Variants in SLC35F3 observed in about 807,000 individuals in gnomAD.
SLC35F3 encodes solute carrier family 35 member F3, also known as putative thiamine transporter SLC35F3.
Under a neutral mutation model 49.9 loss-of-function variants are expected in SLC35F3, and 25 were observed. The ratio of observed to expected loss-of-function variants is 0.50; its 90% CI spans 0.37 to 0.70. SLC35F3 has a LOEUF of 0.70. Ranked by LOEUF, SLC35F3 falls within the 30% of genes least tolerant of loss-of-function variation. The pLI is 0.00. For missense variants in SLC35F3, 525 were observed against 639.8 expected (o/e 0.82, Z 1.94); for synonymous variants, 275 against 265.4 (o/e 1.04, Z -0.35).
chr1:234,045,169 C>G (rs998822559), intron 2 of SLC35F3, among the ~76,000 whole-genome samples: 1 of 152,100 alleles, frequency 6.6e-6, no homozygotes, highest in Non-Finnish European at 1.5e-5. Context: ...AGAACTCATT[C>G]TCTCCCTCTC....
chr1:234,106,271 G>T (rs1056756551), intron 2 of SLC35F3, among the ~76,000 whole-genome samples: 1 of 152,218 alleles, frequency 6.6e-6, no homozygotes, highest in Non-Finnish European at 1.5e-5. Context: ...GTAAGTGTCT[G>T]CTGGGGACTT....
At chr1:234,252,147 G>T (rs1378488572) in intron 3 of SLC35F3, among the ~76,000 whole-genome samples, 3 of 151,860 alleles carry the variant, frequency 2.0e-5, no homozygotes, top group African/African-American at 7.3e-5. Flanking sequence ...TCAGCTCACT[G>T]AAACCTCTGC....
At chr1:234,250,980 C>A (rs1047583481) in intron 3 of SLC35F3, among the ~76,000 whole-genome samples, 1 of 152,136 alleles carries the variant, frequency 6.6e-6, no homozygotes, top group Admixed American at 6.5e-5. Context: ...CAGATTTCAA[C>A]ATGAGATTTG....
At chr1:234,232,519 C>CAAAAAAAAAAAAAA (rs536692686) in intron 3 of SLC35F3, among the ~76,000 whole-genome samples, 18 of 72,268 alleles carry the variant, frequency 2.5e-4, no homozygotes, top group East Asian at 2.0e-3. Flanking sequence ...CAGGCCTAGT[C>CAAAAAAAAAAAAAA]AAAAAAAAAA....
intron 2 of SLC35F3, among the ~76,000 whole-genome samples, chr1:234,080,655 TAC>T (rs1261804595): frequency 6.6e-6 from 1 of 152,184 alleles, no homozygotes; most frequent in Non-Finnish European, 1.5e-5. Flanking sequence ...AAAGAAGCCA[TAC>T]ACACAAAACT....
intron 2 of SLC35F3, among the ~76,000 whole-genome samples, chr1:234,128,400 G>A (rs934212884): frequency 6.6e-6 from 1 of 152,200 alleles, no homozygotes; most frequent in Admixed American, 6.5e-5. Context: ...CTGACCAGGG[G>A]TGAAGCAGGG....
At chr1:234,065,219 T>A (rs1379078702) in intron 2 of SLC35F3, among the ~76,000 whole-genome samples, 1 of 152,154 alleles carries the variant, frequency 6.6e-6, no homozygotes, top group Non-Finnish European at 1.5e-5. Flanking sequence ...CAATCTCGGC[T>A]TACTGCAACT....
In SLC35F3 at chr1:234,038,026, A is replaced by C. The variant is rs576668294; in HGVS notation, c.283+132268A>C. Among the ~76,000 whole-genome samples the C allele has an allele frequency of 7.0e-4, 105 of 150,470 alleles. 1 individual carries two copies. The South Asian group carries it at 0.018, about 26-fold the overall frequency. On this transcript the variant is annotated intron_variant, in intron 2 of 7. Coordinates refer to ENST00000366618, the MANE Select transcript of SLC35F3 (RefSeq NM_173508.4). Reference sequence around the variant, plus strand: ...TGTGCACAATATGCAGGTTAGTTACATATGTATACATGTGCCATGTTGGGG... The same window carrying C: ...TGTGCACAATATGCAGGTTAGTTACCTATGTATACATGTGCCATGTTGGGG...
chr1:233,992,941 A>G (rs1488905534), intron 2 of SLC35F3, among the ~76,000 whole-genome samples: 3 of 152,108 alleles, frequency 2.0e-5, no homozygotes, highest in African/African-American at 7.3e-5. Flanking sequence ...GCAGCTCCCA[A>G]AAATCATCTC....
intron 3 of SLC35F3, among the ~76,000 whole-genome samples, chr1:234,250,016 A>G (rs1350575619): frequency 1.3e-5 from 2 of 152,274 alleles, no homozygotes; most frequent in African/African-American, 4.8e-5. Flanking sequence ...AGCATATTTT[A>G]CCAAACTAGG....
At position 233,957,948 on chromosome 1, in the gene SLC35F3, A is replaced by G. The variant is rs4351718; in HGVS notation, c.283+52190A>G. 0.21 allele frequency among the ~76,000 whole-genome samples: 31,214 copies of G among 152,074 alleles called. 3,421 individuals are homozygous for G. The highest frequency in any genetic ancestry group is 0.37 in the East Asian group (1,901 of 5,160). Reference sequence around the variant, plus strand: ...TGTGGTCAAGTGGGTCTAGGGTTCAACTTTGCTGAGGCTTAACTAGGACTT... The same window carrying G: ...TGTGGTCAAGTGGGTCTAGGGTTCAGCTTTGCTGAGGCTTAACTAGGACTT... On this transcript the variant is annotated intron_variant, in intron 2 of 7. Coordinates refer to ENST00000366618, the MANE Select transcript of SLC35F3 (RefSeq NM_173508.4). The surrounding 1 kb of genome is among the most constrained non-coding windows in gnomAD (Gnocchi z 4.0).
At chr1:234,181,338 G>GAAAAAAAAAAAAAAAAGAAAA (rs1666553244) in intron 2 of SLC35F3, among the ~76,000 whole-genome samples, 1 of 97,310 alleles carries the variant, frequency 1.0e-5, no homozygotes, top group Non-Finnish European at 2.1e-5. Flanking sequence ...TCTGTCTCAA[G>GAAAAAAAAAAAAAAAAGAAAA]AAAAAAAAAA....
intron 2 of SLC35F3, among the ~76,000 whole-genome samples, chr1:234,127,502 G>T (rs1665666738): frequency 6.6e-6 from 1 of 152,136 alleles, no homozygotes; most frequent in South Asian, 2.1e-4. Flanking sequence ...CCATCTCCTG[G>T]GTGTGATTCA....
chr1:233,941,051 G>A (rs1662412110), intron 2 of SLC35F3, among the ~76,000 whole-genome samples: 1 of 152,080 alleles, frequency 6.6e-6, no homozygotes, highest in Non-Finnish European at 1.5e-5. Context: ...ACTGACTGCT[G>A]CATCGTGCTT....
At chr1:234,157,383 G>A (rs1666170303) in intron 2 of SLC35F3, among the ~76,000 whole-genome samples, 1 of 152,166 alleles carries the variant, frequency 6.6e-6, no homozygotes, top group East Asian at 1.9e-4. Context: ...AGAACCGTCC[G>A]TGGACTCCTA....
At chr1:234,070,879 G>C (rs546784965) in intron 2 of SLC35F3, among the ~76,000 whole-genome samples, 2 of 152,258 alleles carry the variant, frequency 1.3e-5, no homozygotes, top group South Asian at 4.1e-4. Context: ...CAACCTTCTA[G>C]ATTTGTGCAG....
At chr1:234,241,506 C>T (rs1047692448) in intron 3 of SLC35F3, among the ~76,000 whole-genome samples, 4 of 152,076 alleles carry the variant, frequency 2.6e-5, no homozygotes, top group South Asian at 2.1e-4. Flanking sequence ...GAGGCAGAGG[C>T]GGGTGGATCA....
At chr1:234,096,222 G>A (rs1210748101) in intron 2 of SLC35F3, among the ~76,000 whole-genome samples, 5 of 152,080 alleles carry the variant, frequency 3.3e-5, no homozygotes, top group African/African-American at 1.2e-4. Flanking sequence ...CTTTATCTCT[G>A]AAGGAATCAG....
At chr1:234,015,221 C>A (rs1349798653) in intron 2 of SLC35F3, among the ~76,000 whole-genome samples, 1 of 151,776 alleles carries the variant, frequency 6.6e-6, no homozygotes, top group African/African-American at 2.4e-5. Flanking sequence ...TGTGGTGTGC[C>A]CCTGTAATCC....
Sources: allele counts gnomAD v4.1 joint callset (sites outside exome capture counted in the v4.1 genomes callset), GRCh38; gene constraint gnomAD v4.1.1; non-coding constraint Gnocchi (gnomAD v3.1); transcripts MANE v1.5; gene names NCBI Gene and HGNC (gene_info 2026-07-23, HGNC 2026-07-21).